The following CTDSPL variants were observed in gnomAD, a reference collection of about 807,000 sequenced individuals.
CTDSPL encodes the protein CTD small phosphatase-like protein.
Under a neutral mutation model 30.5 loss-of-function variants are expected in CTDSPL, and 8 were observed. That is an observed-to-expected ratio of 0.26 (90% CI 0.15 to 0.47). The LOEUF is 0.47. CTDSPL is among the 20% of genes least tolerant of loss of function. The pLI, the probability that CTDSPL is intolerant of heterozygous loss-of-function variation, is 0.99. For missense variants in CTDSPL, 248 were observed against 366.1 expected (o/e 0.68, Z 2.63); for synonymous variants, 110 against 137.9 (o/e 0.80, Z 1.42).
intron 7 of CTDSPL, among the ~76,000 whole-genome samples, chr3:37,978,725 T>C (rs1307552215): frequency 6.6e-6 from 1 of 152,230 alleles, no homozygotes; most frequent in Non-Finnish European, 1.5e-5. Flanking sequence ...TCCAGGCTCA[T>C]GATGAACATT....
At chr3:37,946,299 C>T (rs1044488748) in intron 1 of CTDSPL, among the ~76,000 whole-genome samples, 2 of 152,238 alleles carry the variant, frequency 1.3e-5, no homozygotes, top group Admixed American at 1.3e-4. Flanking sequence ...TCACTCCCTC[C>T]AGTGCCTTAG....
intron 1 of CTDSPL, among the ~76,000 whole-genome samples, chr3:37,892,121 G>A (rs544531318): frequency 6.6e-6 from 1 of 152,192 alleles, no homozygotes; most frequent in East Asian, 1.9e-4. Context: ...TGAACACTTA[G>A]GTTCCCCAGA....
At position 37,964,666 on chromosome 3, in the gene CTDSPL, G is replaced by A. The variant is rs746095511; in HGVS notation, c.363G>A (p.Ser121=). ...TAGATGAAACATTGGTGCACAGTTC[G>A]TTTAAGGTAAATCAACATAAAAAAA... The part of the protein sequence containing the change: ...IDLDETLVHS[S]FKPISNADFI... The change falls in exon 4 of 8, where the codon TCG becomes TCA. Residue 121 remains serine, a synonymous_variant. Coordinates refer to ENST00000273179, the MANE Select transcript of CTDSPL (RefSeq NM_001008392.2). 6.4e-5 allele frequency: 103 copies of A among 1,607,770 alleles called. No homozygotes were observed. Among genetic ancestry groups the A allele is most frequent in the Non-Finnish European group, 8.0e-5 (94 of 1,175,682 alleles).
rs1207475254 is a variant in CTDSPL at position 37,862,103 on chromosome 3, C to CCCCCCCGCGCCGCGCCCCCGCG, written c.-73_-52dup. On this transcript the variant is annotated 5_prime_UTR_variant, in exon 1 of 8. Coordinates refer to ENST00000273179, the MANE Select transcript of CTDSPL (RefSeq NM_001008392.2). This position sits in a 1 kb window ranked among gnomAD's most constrained non-coding sequence, Gnocchi z 4.3. ...CGCGCCCAGGCAGCGGCTGCGAGCG[C>CCCCCCCGCGCCGCGCCCCCGCG]CCCCCCGCGCCGCGCCCCCGCGCCC... The CCCCCCCGCGCCGCGCCCCCGCG allele has an allele frequency of 1.0e-5, 3 of 298,958 alleles. No homozygotes were observed. Among genetic ancestry groups the CCCCCCCGCGCCGCGCCCCCGCG allele is most frequent in the Admixed American group, 6.8e-5 (1 of 14,610 alleles). The allele number at this position is 298,958 out of a possible 1,614,324, so 18.5% of individuals were successfully genotyped here.
At chr3:37,932,879 G>A (rs554976986) in intron 1 of CTDSPL, among the ~76,000 whole-genome samples, 1 of 152,330 alleles carries the variant, frequency 6.6e-6, no homozygotes, top group Admixed American at 6.5e-5. Context: ...CTGGCTGGGC[G>A]CAGTGGCTCA....
chr3:37,976,247 TGCTG>T (rs1037581880), intron 7 of CTDSPL, among the ~76,000 whole-genome samples: 11 of 152,220 alleles, frequency 7.2e-5, no homozygotes, highest in African/African-American at 2.7e-4. Context: ...ACAAGGGTTC[TGCTG>T]GCAGTAACCT....
chr3:37,877,139 A>G (rs1287523603), intron 1 of CTDSPL, among the ~76,000 whole-genome samples: 1 of 151,944 alleles, frequency 6.6e-6, no homozygotes, highest in Non-Finnish European at 1.5e-5. Context: ...CGTCTTAACT[A>G]CTTTTAAGTA....
At chr3:37,969,946 G>T (rs1699347931) in intron 5 of CTDSPL, among the ~76,000 whole-genome samples, 1 of 152,170 alleles carries the variant, frequency 6.6e-6, no homozygotes, top group South Asian at 2.1e-4. Flanking sequence ...GTGGTGCAGA[G>T]CCCTCATCTC....
chr3:37,953,371 C>G (rs536720772), intron 2 of CTDSPL, among the ~76,000 whole-genome samples: 1 of 151,828 alleles, frequency 6.6e-6, no homozygotes, highest in Non-Finnish European at 1.5e-5. Context: ...TCAGAAAACT[C>G]AGAAAAACAT....
At chr3:37,872,565 C>T (rs146747461) in intron 1 of CTDSPL, among the ~76,000 whole-genome samples, 4,512 of 66,178 alleles carry the variant, frequency 0.068, no homozygotes, top group Middle Eastern at 0.091. Context: ...TTTTTAAATT[C>T]TTTTATCTTT....
intron 6 of CTDSPL, among the ~76,000 whole-genome samples, chr3:37,972,606 T>A (rs1699379831): frequency 6.6e-6 from 1 of 152,202 alleles, no homozygotes; most frequent in South Asian, 2.1e-4. Context: ...ATAGAATGGT[T>A]TCTTTGTCCT....
chr3:37,867,087 C>T (rs1698018747), intron 1 of CTDSPL, among the ~76,000 whole-genome samples: 1 of 152,094 alleles, frequency 6.6e-6, no homozygotes, highest in Non-Finnish European at 1.5e-5. Flanking sequence ...TCCTGTTGCC[C>T]TTCAGAGTCA....
chr3:37,981,615 T>C lies in CTDSPL; in HGVS notation c.*748T>C. Reference sequence around the variant, plus strand: ...CACTTTAGGAAACAATAGATTATTTTATATTATTATTTCTGATGGTGACAA... The same window carrying C: ...CACTTTAGGAAACAATAGATTATTTCATATTATTATTTCTGATGGTGACAA... On this transcript the variant is annotated 3_prime_UTR_variant, in exon 8 of 8. Coordinates refer to ENST00000273179, the MANE Select transcript of CTDSPL (RefSeq NM_001008392.2). 1 of 317,494 alleles carries C rather than the reference T, an allele frequency of 3.1e-6. No homozygotes were observed. Among genetic ancestry groups the C allele is most frequent in the South Asian group, 2.5e-5 (1 of 39,228 alleles). 19.7% of individuals were successfully genotyped at this position (317,494 alleles called of 1,614,324 possible).
At chr3:37,974,138 C>T (rs920822435) in intron 6 of CTDSPL, among the ~76,000 whole-genome samples, 1 of 152,174 alleles carries the variant, frequency 6.6e-6, no homozygotes, top group Non-Finnish European at 1.5e-5. Context: ...CCAGGGAAGC[C>T]GAAAGATGGG....
At chr3:37,961,542 AG>A (rs1162302508) in intron 3 of CTDSPL, among the ~76,000 whole-genome samples, 2 of 152,216 alleles carry the variant, frequency 1.3e-5, no homozygotes, top group East Asian at 1.9e-4. Context: ...AAATGCTGAA[AG>A]GGGAGAGGAT....
Position 37,862,211 on chromosome 3 carries a change from G to A in CTDSPL, c.12G>A (p.Pro4=). 7.0e-7 allele frequency: 1 copy of A among 1,434,390 alleles called. No homozygotes were observed. 88.9% of individuals were successfully genotyped at this position (1,434,390 alleles called of 1,614,324 possible). Residue 4 remains proline (P), a synonymous_variant, in exon 1 of 8, where the codon CCG becomes CCA. Transcript: ENST00000273179. The surrounding 1 kb of genome is among the most constrained non-coding windows in gnomAD (Gnocchi z 4.3). MDG[P]AIITQVTNPK... is the part of the protein sequence containing the mutation. ...CGCGCCGCGCACCCATGGACGGCCC[G>A]GCCATCATCACCCAGGTGACCAACC...
intron 1 of CTDSPL, among the ~76,000 whole-genome samples, chr3:37,869,420 G>A (rs992757811): frequency 1.3e-5 from 2 of 152,006 alleles, no homozygotes; most frequent in Admixed American, 1.3e-4. Flanking sequence ...CACGTGTTCA[G>A]TGCTAACATG....
intron 1 of CTDSPL, among the ~76,000 whole-genome samples, chr3:37,925,351 A>G (rs1409613073): frequency 6.6e-6 from 1 of 152,152 alleles, no homozygotes; most frequent in Non-Finnish European, 1.5e-5. Context: ...TGTAAAAGGC[A>G]TACCCTCCAA....
intron 1 of CTDSPL, among the ~76,000 whole-genome samples, chr3:37,863,094 G>A (rs1485205253): frequency 6.6e-6 from 1 of 152,206 alleles, no homozygotes; most frequent in Non-Finnish European, 1.5e-5. Flanking sequence ...GGGGAGAAGA[G>A]GCAGTTCGGA....
Sources: gnomAD v4.1 joint callset for allele counts (sites outside exome capture counted in the v4.1 genomes callset) on GRCh38, gnomAD v4.1.1 for gene constraint, Gnocchi (gnomAD v3.1) non-coding constraint, MANE v1.5 for transcripts, NCBI Gene and HGNC (gene_info 2026-07-23, HGNC 2026-07-21) for gene names.